The following SLC4A8 variants were observed in gnomAD, a reference collection of about 807,000 sequenced individuals.
SLC4A8 encodes electroneutral sodium bicarbonate exchanger 1.
A neutral mutation model predicts 125.0 loss-of-function variants in SLC4A8; 40 were observed. The observed-to-expected ratio is 0.32, with a 90% confidence interval of 0.25 to 0.42. The LOEUF (loss-of-function observed/expected upper bound fraction) is 0.42, where lower values mean the gene tolerates loss of function less well. SLC4A8 is among the 10% of genes least tolerant of loss of function. The pLI, the probability that SLC4A8 is intolerant of heterozygous loss-of-function variation, is 1.00. For synonymous variants in SLC4A8, 456 were observed against 476.0 expected, an observed-to-expected ratio of 0.96 and a Z score of 0.55; for missense variants, 863 against 1,355.1, an observed-to-expected ratio of 0.64 and a Z score of 5.70.
At chr12:51,412,260 A>G (rs1272241609) in intron 1 of SLC4A8, among the ~76,000 whole-genome samples, 1 of 152,090 alleles carries the variant, frequency 6.6e-6, no homozygotes, top group East Asian at 1.9e-4. Context: ...CATATGAATT[A>G]TGTTACTTGG....
At chr12:51,452,025 T>G in intron 3 of SLC4A8, 99 bp from the exon 4 acceptor site, 1 of 1,096,676 alleles carries the variant, frequency 9.1e-7, no homozygotes, top group Non-Finnish European at 1.3e-6. Flanking sequence ...CATTCGTGGT[T>G]GTCTATATAT....
Position 51,440,709 on chromosome 12 carries a change from G to A in SLC4A8, c.50G>A (p.Arg17Lys). Residue 17 changes from arginine (R) to lysine (K), a missense_variant and splice_region_variant, in exon 2 of 25, where the codon AGA (arginine) becomes AAA (lysine). By Grantham distance (26) the Arg-to-Lys change is conservative. Transcript: ENST00000453097. ...GACTACTTATTTGTGTTTAAACAGA[G>A]ACCAGATGAAGAAGCTGTGGTGGAT... The part of the protein sequence containing the change: ...NEPDGVLSYQ[R>K]PDEEAVVDQG... 2 of 1,610,384 alleles carry A rather than the reference G, an allele frequency of 1.2e-6. No individual in the cohort carries two copies. Among genetic ancestry groups the A allele is most frequent in the Non-Finnish European group, 1.7e-6 (2 of 1,178,548 alleles).
At chr12:51,493,020 A>C (rs560467559) in intron 19 of SLC4A8, among the ~76,000 whole-genome samples, 3 of 152,248 alleles carry the variant, frequency 2.0e-5, no homozygotes, top group South Asian at 2.1e-4. Context: ...ATATAGTCCC[A>C]AAAAAACTAA....
chr12:51,441,331 T>A (rs368614102), intron 2 of SLC4A8, among the ~76,000 whole-genome samples: 3 of 152,218 alleles, frequency 2.0e-5, no homozygotes, highest in Non-Finnish European at 4.4e-5. Context: ...ATCAAAGTTA[T>A]ATAAAAGCCC....
intron 2 of SLC4A8, 92 bp from the exon 3 acceptor site, chr12:51,450,784 T>C (rs1565784848): frequency 1.5e-6 from 2 of 1,365,522 alleles, no homozygotes; most frequent in South Asian, 1.2e-5. Flanking sequence ...AGAACTGTGA[T>C]ATTTTTTTCT....
chr12:51,463,049 C>T (rs368443559), intron 10 of SLC4A8, among the ~76,000 whole-genome samples: 2 of 151,996 alleles, frequency 1.3e-5, no homozygotes, highest in East Asian at 3.9e-4. Context: ...ACATTGTATA[C>T]AAGTCATCAA....
intron 1 of SLC4A8, chr12:51,403,042 T>C (rs1948422457): frequency 2.8e-6 from 1 of 362,908 alleles, no homozygotes. Context: ...CATGGGTAAG[T>C]TGTTTAGCCT....
intron 2 of SLC4A8, chr12:51,450,671 G>A: frequency 1.8e-6 from 1 of 554,880 alleles, no homozygotes; most frequent in South Asian, 2.4e-5. Context: ...AAGTTTGCAG[G>A]CATGTGCAGG....
In SLC4A8 at chr12:51,452,034, A is replaced by G. The variant is rs1330681789; in HGVS notation, c.278-90A>G. ...CTTCTGCATTCGTGGTTGTCTATATATATTTCTAAAGTTGTTAGGTAAGGA... is the reference window on the plus strand; with the variant it reads ...CTTCTGCATTCGTGGTTGTCTATATGTATTTCTAAAGTTGTTAGGTAAGGA... On this transcript the variant is annotated intron_variant, in intron 3 of 24. Transcript: ENST00000453097. 1.5e-5 allele frequency: 18 copies of G among 1,232,474 alleles called. No individual in the cohort carries two copies. The East Asian group carries it at 3.5e-4, about 24-fold the overall frequency. The allele number at this position is 1,232,474 out of a possible 1,614,324, so 76.3% of individuals were successfully genotyped here.
chr12:51,442,089 G>A (rs996675206), intron 2 of SLC4A8, among the ~76,000 whole-genome samples: 3 of 152,094 alleles, frequency 2.0e-5, no homozygotes, highest in African/African-American at 4.8e-5. Context: ...AGGCAGGTAG[G>A]TATCATTATC....
chr12:51,463,954 T>C (rs1167250749), intron 11 of SLC4A8, among the ~76,000 whole-genome samples: 2 of 152,170 alleles, frequency 1.3e-5, no homozygotes, highest in African/African-American at 4.8e-5. Flanking sequence ...TTCCTACCAT[T>C]GTTCCCTCTG....
At chr12:51,464,268 A>G (rs141716754) in intron 11 of SLC4A8, among the ~76,000 whole-genome samples, 3 of 152,294 alleles carry the variant, frequency 2.0e-5, no homozygotes, top group Admixed American at 1.3e-4. Flanking sequence ...TAGGCTCTCA[A>G]TGTCTGCCAA....
chr12:51,498,028 G>T (rs1241103540), intron 22 of SLC4A8, among the ~76,000 whole-genome samples: 1 of 151,518 alleles, frequency 6.6e-6, no homozygotes, highest in Admixed American at 6.6e-5. Context: ...TCCAGCCTAG[G>T]CTGAGTGAGA....
intron 22 of SLC4A8, among the ~76,000 whole-genome samples, chr12:51,499,864 G>C (rs536270977): frequency 2.0e-5 from 3 of 152,258 alleles, no homozygotes; most frequent in Admixed American, 1.3e-4. Flanking sequence ...GAATGAGCTT[G>C]GTGTGTTTGA....
At chr12:51,402,376 T>C (rs1948408877) in intron 1 of SLC4A8, among the ~76,000 whole-genome samples, 1 of 152,156 alleles carries the variant, frequency 6.6e-6, no homozygotes, top group South Asian at 2.1e-4. Flanking sequence ...TCTATGGTGT[T>C]ATCCTGTCCT....
At chr12:51,480,300 T>C (rs184001180) in intron 16 of SLC4A8, 768 of 1,242,940 alleles carry the variant, frequency 6.2e-4, no homozygotes, top group Non-Finnish European at 5.6e-4. Flanking sequence ...CTTTCTTGCT[T>C]AAAATGTATT....
Position 51,488,719 on chromosome 12 carries a change from A to G in SLC4A8, c.2307A>G (p.Gly769=). 6.2e-7 allele frequency: 1 copy of G among 1,613,916 alleles called. No individual in the cohort carries two copies. Among genetic ancestry groups the G allele is most frequent in the Non-Finnish European group, 8.5e-7 (1 of 1,179,860 alleles). ...SVFKPTRDDR[G]WIINPIGPNP... ...CTTAGCCAACAAGGGATGATCGCGG[A>G]TGGATTATTAATCCCATTGGCCCCA... The change falls in exon 18 of 25, where the codon GGA becomes GGG. Residue 769 remains glycine, a synonymous_variant. Transcript: ENST00000453097.
At chr12:51,406,107 C>T (rs1948482112) in intron 1 of SLC4A8, among the ~76,000 whole-genome samples, 1 of 152,144 alleles carries the variant, frequency 6.6e-6, no homozygotes. Flanking sequence ...TGGTGGTAGC[C>T]ACAGTGGCAG....
chr12:51,422,043 A>G (rs1004112819), upstream of SLC4A8: 1 of 152,226 alleles, frequency 6.6e-6, no homozygotes, highest in African/African-American at 2.4e-5. Flanking sequence ...TGTTTTCCCA[A>G]CACCTAACAT....
Sources: allele counts gnomAD v4.1 joint callset (sites outside exome capture counted in the v4.1 genomes callset), GRCh38; gene constraint gnomAD v4.1.1; transcripts MANE v1.5; gene names NCBI Gene and HGNC (gene_info 2026-07-23, HGNC 2026-07-21).